The following PDE3B variants were observed in gnomAD, a reference collection of about 807,000 sequenced individuals.
The protein encoded by PDE3B is phosphodiesterase 3B, also known as cGMP-inhibited 3',5'-cyclic phosphodiesterase 3B.
In PDE3B, 66 loss-of-function variants were observed where a neutral mutation model predicts 116.8. The observed-to-expected ratio is 0.56, with a 90% CI of 0.46 to 0.69. The LOEUF (loss-of-function observed/expected upper bound fraction) is 0.69, where lower values mean the gene tolerates loss of function less well. PDE3B is among the 30% of genes least tolerant of loss of function. The probability of loss-of-function intolerance (pLI) is 0.00; values close to 1 mark genes in which losing one functional copy is unlikely to be tolerated. For synonymous variants in PDE3B, 595 were observed against 533.6 expected, an observed-to-expected ratio of 1.12 and a Z score of -1.59; for missense variants, 1,384 against 1,368.1, an observed-to-expected ratio of 1.01 and a Z score of -0.18.
chr11:14,784,174 A>T (rs1858123749), intron 2 of PDE3B, among the ~76,000 whole-genome samples: 3 of 152,212 alleles, frequency 2.0e-5, no homozygotes, highest in Admixed American at 1.3e-4. Flanking sequence ...CCTGTCCCTG[A>T]TGCCAAAAAG....
At chr11:14,652,264 G>A (rs1189276233) in intron 1 of PDE3B, among the ~76,000 whole-genome samples, 1 of 152,040 alleles carries the variant, frequency 6.6e-6, no homozygotes, top group Non-Finnish European at 1.5e-5. Flanking sequence ...CAAAGTGTTG[G>A]CTTCTTTGTT....
chr11:14,800,520 G>T (rs1858719701), intron 4 of PDE3B, among the ~76,000 whole-genome samples: 1 of 152,168 alleles, frequency 6.6e-6, no homozygotes, highest in South Asian at 2.1e-4. Flanking sequence ...TGCCGAGAGA[G>T]ATCCGCTGTT....
chr11:14,839,254 C>A (rs1860150329), intron 11 of PDE3B, among the ~76,000 whole-genome samples: 1 of 152,168 alleles, frequency 6.6e-6, no homozygotes, highest in Non-Finnish European at 1.5e-5. Flanking sequence ...ATTCCTTGAT[C>A]TTTGGAAAGA....
intron 5 of PDE3B, among the ~76,000 whole-genome samples, chr11:14,808,054 C>T (rs1481503037): frequency 6.9e-6 from 1 of 144,836 alleles, no homozygotes; most frequent in Non-Finnish European, 1.5e-5. Context: ...AGCGAGCCTT[C>T]GTCTCAAAAA....
Position 14,690,969 on chromosome 11 carries a change from G to A in PDE3B, c.978+45916G>A, listed in dbSNP as rs182423136. 6.0e-4 allele frequency among the ~76,000 whole-genome samples: 92 copies of A among 152,182 alleles called. 1 individual carries two copies. The East Asian group carries it at 0.013, about 21-fold the overall frequency. ...CAAAGGTAGGTGGACATCTAAATAC[G>A]TTAAAGGAAGGGAAAACATGCAAAT... On this transcript the variant is annotated intron_variant, in intron 1 of 15. Transcript: ENST00000282096.
intron 12 of PDE3B, among the ~76,000 whole-genome samples, chr11:14,845,213 G>T (rs575117910): frequency 5.9e-5 from 9 of 151,878 alleles, no homozygotes; most frequent in South Asian, 2.1e-4. Context: ...ACCGCTGCTG[G>T]TACCCAGGCA....
At chr11:14,880,804 C>A in the PDE3B span, 1 of 1,565,558 alleles carries the variant, frequency 6.4e-7, no homozygotes, top group Non-Finnish European at 8.6e-7. Context: ...ATAATTCCTA[C>A]TTCTCTGTAT....
chr11:14,693,196 C>T (rs992661658), intron 1 of PDE3B, among the ~76,000 whole-genome samples: 1 of 152,134 alleles, frequency 6.6e-6, no homozygotes, highest in South Asian at 2.1e-4. Context: ...TTGAAGCTAG[C>T]GGAGGTTAGT....
intron 5 of PDE3B, among the ~76,000 whole-genome samples, chr11:14,812,145 T>C (rs1334514664): frequency 6.6e-6 from 1 of 152,192 alleles, no homozygotes; most frequent in Non-Finnish European, 1.5e-5. Flanking sequence ...TATGGTTTCT[T>C]TTTGAGTTTA....
At chr11:14,670,073 T>C (rs886743706) in intron 1 of PDE3B, among the ~76,000 whole-genome samples, 4 of 152,156 alleles carry the variant, frequency 2.6e-5, no homozygotes, top group African/African-American at 9.7e-5. Flanking sequence ...TTAGCATAGT[T>C]ATCTGGGTGA....
At chr11:14,867,474 T>TA (rs1204682482) in intron 14 of PDE3B, 32 bp from the exon 15 acceptor site, 1 of 1,596,788 alleles carries the variant, frequency 6.3e-7, no homozygotes, top group African/African-American at 1.3e-5. Flanking sequence ...TTTCACCAGT[T>TA]AAAAATGTAC....
intron 1 of PDE3B, among the ~76,000 whole-genome samples, chr11:14,735,515 A>C (rs1220719682): frequency 2.6e-5 from 4 of 152,192 alleles, no homozygotes; most frequent in African/African-American, 9.6e-5. Context: ...CCAGAACGAA[A>C]AGGTGAAAGA....
At chr11:14,776,903 A>G (rs1421358046) in intron 2 of PDE3B, among the ~76,000 whole-genome samples, 6 of 152,056 alleles carry the variant, frequency 3.9e-5, no homozygotes, top group Non-Finnish European at 7.4e-5. Flanking sequence ...CACAACTTGA[A>G]TAAGAAAAAG....
chr11:14,859,999 T>A (rs1221817949), intron 13 of PDE3B, among the ~76,000 whole-genome samples: 1 of 152,158 alleles, frequency 6.6e-6, no homozygotes. Flanking sequence ...AAGCTGTACC[T>A]GCAGGGTAGA....
At chr11:14,884,811 A>C in the PDE3B span, among the ~76,000 whole-genome samples, 15 of 152,124 alleles carry the variant, frequency 9.9e-5, no homozygotes, top group African/African-American at 3.6e-4. Context: ...CAGCTTTGAA[A>C]AATATATACT....
At chr11:14,726,377 A>G (rs545243818) in intron 1 of PDE3B, among the ~76,000 whole-genome samples, 11 of 152,314 alleles carry the variant, frequency 7.2e-5, no homozygotes, top group African/African-American at 1.9e-4. Context: ...TGCCTGGTAT[A>G]TAATATGTGG....
chr11:14,691,827 G>T (rs986834738), intron 1 of PDE3B, among the ~76,000 whole-genome samples: 1 of 152,168 alleles, frequency 6.6e-6, no homozygotes, highest in Non-Finnish European at 1.5e-5. Flanking sequence ...GGAAAGCCAG[G>T]TAGGACACTT....
Position 14,867,610 on chromosome 11 carries a change from T to C in PDE3B, c.2991T>C (p.Gly997=), listed in dbSNP as rs1555008281. The change falls in exon 15 of 16, where the codon GGT becomes GGC. Residue 997 remains glycine (G), a synonymous_variant. Coordinates refer to ENST00000282096, the MANE Select transcript of PDE3B (RefSeq NM_000922.4). The stretch of plus-strand genomic sequence containing the variant: ...AATCTTTTATCACCCACATAGTGGG[T>C]CCCCTGTGTAACTCCTATGATGCTG... The part of the protein sequence containing the change: ...LQESFITHIV[G]PLCNSYDAAG... 6.2e-7 allele frequency: 1 copy of C among 1,613,948 alleles called. No homozygotes were observed. Among genetic ancestry groups the C allele is most frequent in the Non-Finnish European group, 8.5e-7 (1 of 1,180,016 alleles).
chr11:14,748,941 T>C (rs1322043509), intron 1 of PDE3B, among the ~76,000 whole-genome samples: 1 of 151,004 alleles, frequency 6.6e-6, no homozygotes, highest in Non-Finnish European at 1.5e-5. Context: ...CAGGCTGGAG[T>C]GCAGTGGCGC....
Sources: gnomAD v4.1 joint callset for allele counts (sites outside exome capture counted in the v4.1 genomes callset) on GRCh38, gnomAD v4.1.1 for gene constraint, MANE v1.5 for transcripts, NCBI Gene and HGNC (gene_info 2026-07-23, HGNC 2026-07-21) for gene names.